CEP128: variants seen among roughly 807,000 people sequenced by gnomAD.
The protein encoded by CEP128 is centrosomal protein 128kDa.
In CEP128, 132 loss-of-function variants were observed where a neutral mutation model predicts 156.7. The observed-to-expected ratio is 0.84, with a 90% CI of 0.73 to 0.97. The LOEUF is 0.97. Ranked by LOEUF, CEP128 falls within the 50% of genes least tolerant of loss-of-function variation. The pLI is 0.00. For synonymous variants in CEP128, 469 were observed against 448.9 expected (o/e 1.04, Z -0.57); for missense variants, 1,252 against 1,281.9 (o/e 0.98, Z 0.36).
chr14:80,656,359 A>C (rs1895173846), intron 19 of CEP128, among the ~76,000 whole-genome samples: 1 of 114,896 alleles, frequency 8.7e-6, no homozygotes, highest in African/African-American at 3.1e-5. Context: ...AAAAAAAACA[A>C]CTAATTCAAG....
chr14:80,530,994 G>A (rs993753404), intron 21 of CEP128, 108 bp from the exon 22 acceptor site: 5 of 533,726 alleles, frequency 9.4e-6, no homozygotes, highest in Non-Finnish European at 1.7e-5. Flanking sequence ...AGTTCAAACT[G>A]TAGATTTAGA....
At chr14:80,788,535 T>C (rs1901540663) in intron 14 of CEP128, among the ~76,000 whole-genome samples, 1 of 152,096 alleles carries the variant, frequency 6.6e-6, no homozygotes, top group African/African-American at 2.4e-5. Context: ...TGTAAGACCT[T>C]ACTGAAGGCT....
chr14:80,793,344 A>C (rs981573695), intron 13 of CEP128, among the ~76,000 whole-genome samples: 1 of 152,234 alleles, frequency 6.6e-6, no homozygotes, highest in Non-Finnish European at 1.5e-5. Context: ...TCATCCAAAA[A>C]GGGAAAATAT....
At chr14:80,573,153 G>A (rs1322772760) in intron 20 of CEP128, among the ~76,000 whole-genome samples, 3 of 150,962 alleles carry the variant, frequency 2.0e-5, no homozygotes, top group South Asian at 2.1e-4. Flanking sequence ...TCAAACTCCT[G>A]ACCTCAGGTG....
intron 2 of CEP128, chr14:80,957,817 A>T (rs1183823645): frequency 6.6e-6 from 1 of 152,190 alleles, no homozygotes; most frequent in Non-Finnish European, 1.5e-5. Context: ...GGTAAAAGAG[A>T]ATGTTCAACT....
chr14:80,820,315 T>C (rs1391561387), intron 13 of CEP128, among the ~76,000 whole-genome samples: 1 of 152,222 alleles, frequency 6.6e-6, no homozygotes, highest in Non-Finnish European at 1.5e-5. Flanking sequence ...TGCTAGACAC[T>C]GTATATGACA....
intron 2 of CEP128, among the ~76,000 whole-genome samples, chr14:80,926,261 G>C (rs539961301): frequency 1.3e-5 from 2 of 152,240 alleles, no homozygotes; most frequent in East Asian, 3.9e-4. Context: ...GAACACTTAT[G>C]GCTTGGGACA....
At chr14:80,519,682 C>A (rs1252723159) in intron 23 of CEP128, among the ~76,000 whole-genome samples, 1 of 152,210 alleles carries the variant, frequency 6.6e-6, no homozygotes, top group African/African-American at 2.4e-5. Flanking sequence ...TACTTAAAGT[C>A]TGCCCTCCAT....
At chr14:80,681,466 T>C (rs1030213429) in intron 19 of CEP128, among the ~76,000 whole-genome samples, 1 of 152,182 alleles carries the variant, frequency 6.6e-6, no homozygotes, top group South Asian at 2.1e-4. Context: ...GTGAGTGATA[T>C]GGTTTGGCTG....
intron 9 of CEP128, among the ~76,000 whole-genome samples, chr14:80,857,774 A>C (rs867076121): frequency 2.6e-5 from 4 of 151,798 alleles, no homozygotes; most frequent in Non-Finnish European, 5.9e-5. Flanking sequence ...ACAACAAAAA[A>C]CATGAATTGA....
chr14:80,650,609 TGA>T (rs1247056931), intron 19 of CEP128, among the ~76,000 whole-genome samples: 2 of 152,206 alleles, frequency 1.3e-5, no homozygotes, highest in Admixed American at 1.3e-4. Flanking sequence ...CCTAGTTTAT[TGA>T]GAGTTTTTAG....
At position 80,559,389 on chromosome 14, in the gene CEP128, C is replaced by T. The variant is rs145933927; in HGVS notation, c.2857-87G>A. 228 of 1,014,094 alleles carry T rather than the reference C, an allele frequency of 2.2e-4. No individual in the cohort carries two copies. In the African/African-American group the frequency reaches 3.4e-3, roughly 15 times the overall value. 62.8% of individuals were successfully genotyped at this position (1,014,094 alleles called of 1,614,324 possible). A position where few individuals can be genotyped will look rare whatever the true frequency, so the allele number is the denominator to read the frequency against. On this transcript the variant is annotated intron_variant, in intron 20 of 24. Coordinates refer to ENST00000555265, the MANE Select transcript of CEP128 (RefSeq NM_152446.5). ...ACTTAATTTACAAGTATTCTATTTA[C>T]CATCTATTATTAATAATTCATTTTA... is the stretch of plus-strand genomic sequence containing the variant.
chr14:80,557,780 T>G (rs1248475365), intron 21 of CEP128, among the ~76,000 whole-genome samples: 1 of 152,150 alleles, frequency 6.6e-6, no homozygotes, highest in Non-Finnish European at 1.5e-5. Context: ...TACTCACAAA[T>G]AAACATTTCA....
chr14:80,883,023 A>G (rs1033516691), intron 8 of CEP128, among the ~76,000 whole-genome samples: 49 of 152,284 alleles, frequency 3.2e-4, no homozygotes, highest in Non-Finnish European at 4.9e-4. Flanking sequence ...ATTTAATTGT[A>G]CATTTTAAAA....
At chr14:80,521,912 A>C (rs1888763509) in intron 23 of CEP128, among the ~76,000 whole-genome samples, 1 of 152,088 alleles carries the variant, frequency 6.6e-6, no homozygotes, top group Non-Finnish European at 1.5e-5. Context: ...TTAACTTTGC[A>C]CTCTAAATCT....
chr14:80,779,264 T>C (rs1008693333), intron 15 of CEP128, among the ~76,000 whole-genome samples: 1 of 152,300 alleles, frequency 6.6e-6, no homozygotes, highest in Non-Finnish European at 1.5e-5. Flanking sequence ...AGGAACGCAA[T>C]CAATGGAAAC....
intron 7 of CEP128, among the ~76,000 whole-genome samples, chr14:80,899,074 A>G (rs1033604325): frequency 6.6e-6 from 1 of 152,336 alleles, no homozygotes; most frequent in East Asian, 1.9e-4. Context: ...AAGTTAAATC[A>G]CGAAATAAGG....
At chr14:80,582,963 G>C (rs1470010486) in intron 19 of CEP128, among the ~76,000 whole-genome samples, 4 of 152,142 alleles carry the variant, frequency 2.6e-5, no homozygotes, top group Non-Finnish European at 5.9e-5. Flanking sequence ...TGTTCCTCCA[G>C]AGTCAACTTA....
intron 21 of CEP128, among the ~76,000 whole-genome samples, chr14:80,552,609 C>A (rs534556570): frequency 1.3e-5 from 2 of 152,190 alleles, no homozygotes; most frequent in East Asian, 3.9e-4. Flanking sequence ...AAAATATATA[C>A]ATACAGTTTA....
Sources: gnomAD v4.1 joint callset for allele counts (sites outside exome capture counted in the v4.1 genomes callset) on GRCh38, gnomAD v4.1.1 for gene constraint, MANE v1.5 for transcripts, NCBI Gene and HGNC (gene_info 2026-07-23, HGNC 2026-07-21) for gene names.